The following SPMIP2 variants were observed in gnomAD, a reference collection of about 807,000 sequenced individuals.
SPMIP2 encodes sperm microtubule inner protein 2.
chr4:158,977,646 G>A, the SPMIP2 span, among the ~76,000 whole-genome samples: 17 of 120,804 alleles, frequency 1.4e-4, no homozygotes, highest in East Asian at 3.7e-3. Flanking sequence ...ACGGAGTCTC[G>A]CTCTGTCAGC....
At chr4:159,075,399 A>G in the SPMIP2 span, among the ~76,000 whole-genome samples, 1 of 152,198 alleles carries the variant, frequency 6.6e-6, no homozygotes, top group African/African-American at 2.4e-5. Context: ...TCTAAAGGTT[A>G]TTATTTTCCT....
chr4:159,028,956 G>C, the SPMIP2 span, among the ~76,000 whole-genome samples: 1 of 152,050 alleles, frequency 6.6e-6, no homozygotes, highest in East Asian at 1.9e-4. Flanking sequence ...TAAGCTGGGC[G>C]TGGTGGCGCA....
chr4:158,993,490 A>T, the SPMIP2 span, among the ~76,000 whole-genome samples: 100,320 of 151,782 alleles, frequency 0.66, 33,216 homozygotes, highest in Middle Eastern at 0.73. Context: ...GTTTTTTTTT[A>T]AATTTCTATT....
chr4:158,913,109 TG>T, the SPMIP2 span, among the ~76,000 whole-genome samples: 1 of 152,206 alleles, frequency 6.6e-6, no homozygotes, highest in Non-Finnish European at 1.5e-5. Flanking sequence ...TCCTCCACAT[TG>T]AAGAGGACTA....
chr4:159,041,980 T>G, the SPMIP2 span, among the ~76,000 whole-genome samples: 79,859 of 151,998 alleles, frequency 0.53, 21,623 homozygotes, highest in East Asian at 0.76. Flanking sequence ...TTATTTTGGG[T>G]TCTTAATAAC....
the SPMIP2 span, among the ~76,000 whole-genome samples, chr4:158,970,819 A>G: frequency 6.6e-6 from 1 of 152,142 alleles, no homozygotes; most frequent in African/African-American, 2.4e-5. Context: ...CTGTTAAAAT[A>G]CTGGGGCCAA....
chr4:158,991,559 A>G, the SPMIP2 span, among the ~76,000 whole-genome samples: 1 of 152,228 alleles, frequency 6.6e-6, no homozygotes, highest in African/African-American at 2.4e-5. Flanking sequence ...GTGTTTTCAC[A>G]GCTTCCTAAT....
the SPMIP2 span, among the ~76,000 whole-genome samples, chr4:159,075,982 C>A: frequency 2.8e-4 from 42 of 152,106 alleles, no homozygotes; most frequent in East Asian, 1.4e-3. Context: ...ACTAACTAGG[C>A]CTTTAAACCA....
chr4:158,982,140 TG>T, the SPMIP2 span, among the ~76,000 whole-genome samples: 1 of 152,116 alleles, frequency 6.6e-6, no homozygotes, highest in African/African-American at 2.4e-5. Context: ...CATTACAAAA[TG>T]GTAAAGGGAT....
At chr4:158,985,625 G>A in the SPMIP2 span, among the ~76,000 whole-genome samples, 3 of 152,066 alleles carry the variant, frequency 2.0e-5, no homozygotes, top group African/African-American at 7.2e-5. Flanking sequence ...GTATTGATGA[G>A]ACGTATCTCA....
chr4:158,915,360 C>A, the SPMIP2 span: 1 of 1,606,364 alleles, frequency 6.2e-7, no homozygotes, highest in Non-Finnish European at 8.5e-7. Context: ...TTTTGGTTGC[C>A]TGGAATAGGA....
chr4:158,898,339 A>G, the SPMIP2 span, among the ~76,000 whole-genome samples: 1 of 152,280 alleles, frequency 6.6e-6, no homozygotes. Context: ...TTGGTTCCAT[A>G]TGAAATTTAA....
the SPMIP2 span, among the ~76,000 whole-genome samples, chr4:159,075,789 CTT>C: frequency 4.8e-5 from 7 of 145,198 alleles, no homozygotes; most frequent in Admixed American, 2.1e-4. Context: ...TTTGACTCAT[CTT>C]TTTTTTTTTT....
the SPMIP2 span, among the ~76,000 whole-genome samples, chr4:159,024,943 C>A: frequency 6.6e-6 from 1 of 152,168 alleles, no homozygotes. Context: ...CTACCACATG[C>A]CAGACACTAA....
chr4:159,045,913 G>A, the SPMIP2 span, among the ~76,000 whole-genome samples: 5 of 152,114 alleles, frequency 3.3e-5, no homozygotes, highest in Non-Finnish European at 7.3e-5. Flanking sequence ...CCTTGGAGGG[G>A]TATTGGAGTG....
the SPMIP2 span, chr4:158,904,699 T>TGC: frequency 1.5e-6 from 1 of 653,218 alleles, no homozygotes; most frequent in Non-Finnish European, 2.6e-6. Context: ...GTCAAGCTGA[T>TGC]GCTTCATTGA....
the SPMIP2 span, among the ~76,000 whole-genome samples, chr4:159,017,261 AAC>A: frequency 6.6e-6 from 1 of 152,080 alleles, no homozygotes; most frequent in Non-Finnish European, 1.5e-5. Flanking sequence ...GTTAAGGATA[AAC>A]AGTTATCCCG....
At chr4:159,055,425 G>A in the SPMIP2 span, among the ~76,000 whole-genome samples, 3 of 152,244 alleles carry the variant, frequency 2.0e-5, no homozygotes, top group East Asian at 3.9e-4. Context: ...AAAACAGGCC[G>A]GGTGCAGTGG....
At chr4:158,900,231 T>C in the SPMIP2 span, among the ~76,000 whole-genome samples, 1 of 152,254 alleles carries the variant, frequency 6.6e-6, no homozygotes, top group Non-Finnish European at 1.5e-5. Context: ...TCCATTCTTT[T>C]GCATTTGCCG....
Sources: allele counts gnomAD v4.1 joint callset (sites outside exome capture counted in the v4.1 genomes callset), GRCh38; gene constraint gnomAD v4.1.1; transcripts MANE v1.5; gene names NCBI Gene and HGNC (gene_info 2026-07-23, HGNC 2026-07-21).